APPBP2: variants seen among roughly 807,000 people sequenced by gnomAD.
APPBP2 encodes amyloid beta precursor protein binding protein 2.
APPBP2 carries 15 observed loss-of-function variants against 76.0 expected under a neutral mutation model. That is an observed-to-expected ratio of 0.20 (90% confidence interval 0.13 to 0.30). The LOEUF (loss-of-function observed/expected upper bound fraction) is 0.30, where lower values mean the gene tolerates loss of function less well. Ranked by LOEUF, APPBP2 falls within the 10% of genes least tolerant of loss-of-function variation. The pLI is 1.00. For missense variants in APPBP2, 401 were observed against 687.2 expected (o/e 0.58, Z 4.66); for synonymous variants, 222 against 242.2 (o/e 0.92, Z 0.77).
At chr17:60,502,429 T>C (rs562185141) in intron 1 of APPBP2, among the ~76,000 whole-genome samples, 3 of 152,198 alleles carry the variant, frequency 2.0e-5, no homozygotes, top group Non-Finnish European at 4.4e-5. Context: ...AAATTTCTGA[T>C]TTGCGACACA....
At chr17:60,511,558 C>A (rs770589903) in intron 1 of APPBP2, among the ~76,000 whole-genome samples, 57 of 149,370 alleles carry the variant, frequency 3.8e-4, no homozygotes, top group Non-Finnish European at 6.6e-4. Flanking sequence ...GTATTCCAGC[C>A]TGGCGACAGA....
intron 4 of APPBP2, among the ~76,000 whole-genome samples, chr17:60,471,401 G>C (rs1046880622): frequency 1.3e-5 from 2 of 152,088 alleles, no homozygotes; most frequent in Non-Finnish European, 2.9e-5. Flanking sequence ...CTGATCCTAT[G>C]GGGGAAGCTT....
rs1051260 is a variant in APPBP2, at chr17:60,460,713, G to T, written c.1011C>A (p.Ala337=). Reference sequence around the variant, plus strand: ...TATACTGGTGGACATAAGAAGAGTAGGCCAAATCTTCATGAGCTGTTGCTA... The same window carrying T: ...TATACTGGTGGACATAAGAAGAGTATGCCAAATCTTCATGAGCTGTTGCTA... The part of the protein sequence containing the change: ...IHVATAHEDL[A]YSSYVHQYSS... Residue 337 remains alanine (A), a synonymous_variant, in exon 9 of 13, where the codon GCC becomes GCA. Transcript: ENST00000083182. The T allele has an allele frequency of 6.2e-7, 1 of 1,613,686 alleles. No individual in the cohort carries two copies. The highest frequency in any genetic ancestry group is 1.7e-5 in the Admixed American group (1 of 60,008).
intron 4 of APPBP2, among the ~76,000 whole-genome samples, chr17:60,478,876 C>T (rs1425509843): frequency 6.6e-6 from 1 of 152,190 alleles, no homozygotes; most frequent in Non-Finnish European, 1.5e-5. Flanking sequence ...TGCCACTGCA[C>T]TCCAGCCTGG....
At position 60,519,543 on chromosome 17, in the gene APPBP2, G is replaced by T. The variant is rs150050482; in HGVS notation, c.138+6251C>A. 1.2e-4 allele frequency among the ~76,000 whole-genome samples: 18 copies of T among 151,888 alleles called. 1 individual carries two copies. In the East Asian group the frequency reaches 3.5e-3, roughly 29 times the overall value. ...CCAGGTGTGGTGGCAAGCATCTGTAGTCCTAGCTACTCGGGACGATGAGGC... is the reference window on the plus strand; with the variant it reads ...CCAGGTGTGGTGGCAAGCATCTGTATTCCTAGCTACTCGGGACGATGAGGC... On this transcript the variant is annotated intron_variant, in intron 1 of 12. Coordinates refer to ENST00000083182, the MANE Select transcript of APPBP2 (RefSeq NM_006380.5).
chr17:60,514,552 TA>T (rs1567942057), intron 1 of APPBP2, among the ~76,000 whole-genome samples: 1 of 152,258 alleles, frequency 6.6e-6, no homozygotes, highest in Non-Finnish European at 1.5e-5. Flanking sequence ...CTAGTATACA[TA>T]GAATACTCAT....
In APPBP2 at chr17:60,508,395, A is replaced by T. The variant is rs114978337; in HGVS notation, c.139-7908T>A. 6.1e-3 allele frequency among the ~76,000 whole-genome samples: 934 copies of T among 152,270 alleles called. 15 individuals are homozygous for T. Among genetic ancestry groups the T allele is most frequent in the African/African-American group, 0.02 (851 of 41,548 alleles). On this transcript the variant is annotated intron_variant, in intron 1 of 12. Transcript: ENST00000083182. ...CACAGAAAGGCTGGATATATATTTA[A>T]AAAAAATCACAAAATAACTTTTGGA...
chr17:60,525,768 G>T (rs2091048551), intron 1 of APPBP2, 26 bp downstream of exon 1: 1 of 1,613,256 alleles, frequency 6.2e-7, no homozygotes, highest in African/African-American at 1.3e-5. Flanking sequence ...CTGGAGGAGA[G>T]CAGAGAGGAG....
intron 3 of APPBP2, 140 bp from the exon 4 acceptor site, chr17:60,479,411 T>C: frequency 2.3e-6 from 2 of 868,154 alleles, no homozygotes; most frequent in South Asian, 2.0e-5. Flanking sequence ...AACACAGGTA[T>C]GAACTGTGAG....
intron 1 of APPBP2, among the ~76,000 whole-genome samples, chr17:60,515,112 ATTTTTTTT>A (rs746696162): frequency 9.4e-6 from 1 of 106,228 alleles, no homozygotes; most frequent in Non-Finnish European, 2.0e-5. Flanking sequence ...CCTATTTTAA[ATTTTTTTT>A]TTTTTTTTTT....
chr17:60,456,626 A>G (rs1457738603), intron 9 of APPBP2, among the ~76,000 whole-genome samples: 4 of 152,066 alleles, frequency 2.6e-5, no homozygotes, highest in Admixed American at 2.0e-4. Context: ...ATTCTACATG[A>G]TCTTTCAGCC....
At chr17:60,524,141 T>C (rs752535990) in intron 1 of APPBP2, among the ~76,000 whole-genome samples, 4 of 152,230 alleles carry the variant, frequency 2.6e-5, no homozygotes, top group Non-Finnish European at 5.9e-5. Context: ...GCACCATCTA[T>C]TCATACTAAT....
chr17:60,459,314 T>C (rs1282012843), intron 9 of APPBP2, among the ~76,000 whole-genome samples: 1 of 152,148 alleles, frequency 6.6e-6, no homozygotes, highest in Non-Finnish European at 1.5e-5. Flanking sequence ...AATATTTTTC[T>C]GTTTGCAGAT....
intron 1 of APPBP2, among the ~76,000 whole-genome samples, chr17:60,505,537 G>C (rs1314699152): frequency 6.6e-6 from 1 of 151,862 alleles, no homozygotes; most frequent in African/African-American, 2.4e-5. Flanking sequence ...GGATAGTTTC[G>C]ATCTCCTGAC....
intron 1 of APPBP2, 43 bp downstream of exon 1, chr17:60,525,751 G>C: frequency 3.1e-6 from 5 of 1,611,500 alleles, no homozygotes; most frequent in Non-Finnish European, 4.2e-6. Flanking sequence ...TGCGGCCCCC[G>C]GGGTTGCTGG....
Position 60,526,185 on chromosome 17 carries a change from G to A in APPBP2, c.-254C>T, listed in dbSNP as rs61735447. On this transcript the variant is annotated 5_prime_UTR_variant, in exon 1 of 13. Transcript: ENST00000083182. Reference sequence around the variant, plus strand: ...GCCAAAAGCGTCACAATCCCGGTTCGAGAGGAACCCGGGTTCCGTCCCAGC... The same window carrying A: ...GCCAAAAGCGTCACAATCCCGGTTCAAGAGGAACCCGGGTTCCGTCCCAGC... 8 of 488,286 alleles carry A rather than the reference G, an allele frequency of 1.6e-5. No individual in the cohort carries two copies. Among genetic ancestry groups the A allele is most frequent in the Non-Finnish European group, 2.6e-5 (7 of 266,402 alleles). The allele number at this position is 488,286 out of a possible 1,614,324, so 30.2% of individuals were successfully genotyped here.
chr17:60,501,448 G>A (rs934474983), intron 1 of APPBP2, among the ~76,000 whole-genome samples: 11 of 152,158 alleles, frequency 7.2e-5, no homozygotes, highest in African/African-American at 2.7e-4. Context: ...ACCCAAGAGT[G>A]TGTAGTGGTG....
intron 3 of APPBP2, among the ~76,000 whole-genome samples, chr17:60,482,980 GTTC>G (rs2090642904): frequency 6.6e-6 from 1 of 152,146 alleles, no homozygotes; most frequent in Admixed American, 6.5e-5. Context: ...AGTATTTCTA[GTTC>G]TAGATCCTTG....
Position 60,493,469 on chromosome 17 carries a change from T to A in APPBP2, c.379+997A>T, listed in dbSNP as rs1242983301. Among the ~76,000 whole-genome samples the A allele has an allele frequency of 2.0e-5, 3 of 152,162 alleles. No individual in the cohort carries two copies. The South Asian group carries it at 6.2e-4, about 31-fold the overall frequency. On this transcript the variant is annotated intron_variant, in intron 3 of 12. Transcript: ENST00000083182. ...CTACATGTATAGCACACAAAACATT[T>A]TTCTAACTACTTTTATATTTATCAT...
Sources: gnomAD v4.1 joint callset for allele counts (sites outside exome capture counted in the v4.1 genomes callset) on GRCh38, gnomAD v4.1.1 for gene constraint, MANE v1.5 for transcripts, NCBI Gene and HGNC (gene_info 2026-07-23, HGNC 2026-07-21) for gene names.